Variants in C8orf34 observed in about 807,000 individuals in gnomAD.
C8orf34 encodes chromosome 8 open reading frame 34.
In C8orf34, 65 loss-of-function variants were observed where a neutral mutation model predicts 68.3. The ratio of observed to expected loss-of-function variants is 0.95; its 90% CI spans 0.78 to 1.17. The LOEUF (loss-of-function observed/expected upper bound fraction) is 1.17, where lower values mean the gene tolerates loss of function less well. C8orf34 is among the 50% of genes most tolerant of loss of function. C8orf34 has a pLI of 0.00. For missense variants in C8orf34, 664 were observed against 655.4 expected, an observed-to-expected ratio of 1.01 and a Z score of -0.14; for synonymous variants, 244 against 241.2, an observed-to-expected ratio of 1.01 and a Z score of -0.11.
At chr8:68,518,763 G>C (rs954453601) in intron 5 of C8orf34, among the ~76,000 whole-genome samples, 1 of 151,886 alleles carries the variant, frequency 6.6e-6, no homozygotes, top group Non-Finnish European at 1.5e-5. Flanking sequence ...GGGCATGGTG[G>C]TGTACACCTG....
At chr8:68,780,519 ACTCT>A (rs969153101) in intron 11 of C8orf34, among the ~76,000 whole-genome samples, 1 of 152,006 alleles carries the variant, frequency 6.6e-6, no homozygotes, top group East Asian at 1.9e-4. Flanking sequence ...CTTTGTTATT[ACTCT>A]CTCTCTTTCA....
At chr8:68,778,155 A>G (rs1417461462) in intron 11 of C8orf34, among the ~76,000 whole-genome samples, 1 of 152,188 alleles carries the variant, frequency 6.6e-6, no homozygotes, top group Non-Finnish European at 1.5e-5. Flanking sequence ...CTCCATTGAG[A>G]ACATGTTTAG....
chr8:68,797,321 G>A (rs1413288962), intron 12 of C8orf34, among the ~76,000 whole-genome samples: 1 of 152,158 alleles, frequency 6.6e-6, no homozygotes, highest in Admixed American at 6.5e-5. Flanking sequence ...ACCTGTTCAT[G>A]TCACTTAATT....
intron 7 of C8orf34, among the ~76,000 whole-genome samples, chr8:68,635,108 A>G (rs1287378196): frequency 2.0e-5 from 3 of 152,150 alleles, no homozygotes; most frequent in African/African-American, 7.2e-5. Context: ...AATACACTCA[A>G]ATTTGCACAT....
At chr8:68,787,389 A>G in intron 11 of C8orf34, 54 bp from the exon 12 acceptor site, 1 of 1,224,184 alleles carries the variant, frequency 8.2e-7, no homozygotes, top group Non-Finnish European at 1.2e-6. Context: ...ATCCACATTA[A>G]TGTTCATGAT....
intron 1 of C8orf34, among the ~76,000 whole-genome samples, chr8:68,402,950 C>T (rs1423606104): frequency 6.6e-6 from 1 of 152,160 alleles, no homozygotes; most frequent in African/African-American, 2.4e-5. Context: ...GAGGAAGCCC[C>T]ATGCATCCCA....
intron 5 of C8orf34, among the ~76,000 whole-genome samples, chr8:68,517,774 AATTTCTTTGTTC>A (rs1260736184): frequency 5.3e-5 from 8 of 152,118 alleles, no homozygotes; most frequent in Non-Finnish European, 1.0e-4. Flanking sequence ...TCCAGTGGTC[AATTTCTTTGTTC>A]ATTTCTTTGT....
intron 7 of C8orf34, among the ~76,000 whole-genome samples, chr8:68,618,536 G>A (rs117503755): frequency 6.6e-6 from 1 of 151,924 alleles, no homozygotes; most frequent in Non-Finnish European, 1.5e-5. Flanking sequence ...TTTCTGTAGA[G>A]ACAGGGCCTC....
intron 12 of C8orf34, 181 bp downstream of exon 12, chr8:68,787,717 T>C: frequency 2.3e-6 from 1 of 444,302 alleles, no homozygotes; most frequent in Non-Finnish European, 4.1e-6. Flanking sequence ...AGTAACATCT[T>C]AATTATGGTA....
chr8:68,724,731 A>G (rs1227886483), intron 10 of C8orf34, among the ~76,000 whole-genome samples: 2 of 152,228 alleles, frequency 1.3e-5, no homozygotes, highest in Non-Finnish European at 2.9e-5. Context: ...CAACCATGAA[A>G]AGAAAATACC....
intron 2 of C8orf34, among the ~76,000 whole-genome samples, chr8:68,440,809 A>T (rs1563440911): frequency 4.1e-5 from 6 of 146,526 alleles, no homozygotes; most frequent in Admixed American, 6.8e-5. Flanking sequence ...TAAACTCTGC[A>T]TTTTTTTTTT....
At chr8:68,762,081 G>A (rs1317931934) in intron 10 of C8orf34, among the ~76,000 whole-genome samples, 1 of 152,212 alleles carries the variant, frequency 6.6e-6, no homozygotes, top group African/African-American at 2.4e-5. Context: ...ATAATTGCAT[G>A]TGGTGGCCAG....
chr8:68,433,320 T>C (rs534479158), intron 1 of C8orf34, among the ~76,000 whole-genome samples: 8 of 152,156 alleles, frequency 5.3e-5, no homozygotes, highest in Admixed American at 5.2e-4. Context: ...CTATTAATAT[T>C]TGAGATAATT....
intron 10 of C8orf34, among the ~76,000 whole-genome samples, chr8:68,749,139 A>G (rs1442374135): frequency 6.6e-6 from 1 of 151,994 alleles, no homozygotes; most frequent in African/African-American, 2.4e-5. Flanking sequence ...TCGCAAGAAC[A>G]AAAAACCAAA....
At chr8:68,640,242 T>C (rs1818964143) in intron 7 of C8orf34, 134 bp from the exon 8 acceptor site, 3 of 698,326 alleles carry the variant, frequency 4.3e-6, no homozygotes, top group Middle Eastern at 3.6e-4. Context: ...TTGATATATG[T>C]AGTTAGATTT....
At chr8:68,642,591 G>C (rs549325494) in intron 8 of C8orf34, among the ~76,000 whole-genome samples, 1 of 152,290 alleles carries the variant, frequency 6.6e-6, no homozygotes, top group East Asian at 1.9e-4. Flanking sequence ...ATCTTCACTG[G>C]TTTCCTGAGC....
At chr8:68,694,059 A>G (rs1820759453) in intron 8 of C8orf34, among the ~76,000 whole-genome samples, 1 of 152,104 alleles carries the variant, frequency 6.6e-6, no homozygotes, top group Non-Finnish European at 1.5e-5. Context: ...TCCGAAAAAT[A>G]TAACTTTTAT....
At chr8:68,507,878 C>A (rs1385261084) in intron 5 of C8orf34, among the ~76,000 whole-genome samples, 1 of 152,154 alleles carries the variant, frequency 6.6e-6, no homozygotes, top group East Asian at 1.9e-4. Flanking sequence ...TTAAGACAAG[C>A]CTATTTTTCT....
intron 8 of C8orf34, among the ~76,000 whole-genome samples, chr8:68,664,494 G>A (rs182702695): frequency 4.6e-5 from 7 of 152,222 alleles, no homozygotes; most frequent in Non-Finnish European, 1.0e-4. Flanking sequence ...TTCACTTTCA[G>A]TATAGTATTC....
Sources: allele counts gnomAD v4.1 joint callset (sites outside exome capture counted in the v4.1 genomes callset), GRCh38; gene constraint gnomAD v4.1.1; transcripts MANE v1.5; gene names NCBI Gene and HGNC (gene_info 2026-07-23, HGNC 2026-07-21).